SNX6: variants seen among roughly 807,000 people sequenced by gnomAD.
SNX6 encodes sorting nexin-6.
A neutral mutation model predicts 63.0 loss-of-function variants in SNX6; 34 were observed. The observed-to-expected ratio is 0.54, with a 90% confidence interval of 0.41 to 0.72. The LOEUF is 0.72. SNX6 is among the 30% of genes least tolerant of loss of function. The pLI, the probability that SNX6 is intolerant of heterozygous loss-of-function variation, is 0.00. For synonymous variants in SNX6, 170 were observed against 164.2 expected (o/e 1.04, Z -0.27); for missense variants, 398 against 471.4 (o/e 0.84, Z 1.44).
At chr14:34,620,635 CATT>C (rs1287458415) in intron 2 of SNX6, among the ~76,000 whole-genome samples, 1 of 151,886 alleles carries the variant, frequency 6.6e-6, no homozygotes, top group Admixed American at 6.6e-5. Context: ...ACAAAAAAAT[CATT>C]ATTTTTAAAA....
rs1883232974 is a variant in SNX6 at position 34,611,647 on chromosome 14, T to C, written c.55-1905A>G. Among the ~76,000 whole-genome samples the C allele has an allele frequency of 2.1e-5, 3 of 145,866 alleles. No homozygotes were observed. The South Asian group carries it at 6.5e-4, about 32-fold the overall frequency. On this transcript the variant is annotated intron_variant, in intron 2 of 13. Coordinates refer to ENST00000362031, the MANE Select transcript of SNX6 (RefSeq NM_152233.4). ...AAATACCAAAATTAGCTGGGCATAGTGGCGCACACCTGTAGTCCCAGCTAC... is the reference window on the plus strand; with the variant it reads ...AAATACCAAAATTAGCTGGGCATAGCGGCGCACACCTGTAGTCCCAGCTAC...
intron 6 of SNX6, among the ~76,000 whole-genome samples, chr14:34,601,586 G>A (rs1882816684): frequency 6.6e-6 from 1 of 150,640 alleles, no homozygotes; most frequent in East Asian, 2.0e-4. Flanking sequence ...GTAGTAACAT[G>A]ATTTATTTTT....
At chr14:34,581,518 G>C in intron 10 of SNX6, 43 bp downstream of exon 10, 4 of 1,114,732 alleles carry the variant, frequency 3.6e-6, no homozygotes, top group Non-Finnish European at 5.2e-6. Flanking sequence ...AGCTCTCTCT[G>C]GGCACAATAT....
intron 6 of SNX6, among the ~76,000 whole-genome samples, 190 bp from the exon 7 acceptor site, chr14:34,597,835 T>C (rs1363794902): frequency 2.0e-5 from 3 of 152,168 alleles, no homozygotes; most frequent in Admixed American, 6.6e-5. Context: ...ATAATATAGA[T>C]ATTCAGGACT....
At chr14:34,564,121 G>A (rs1406136687) in intron 13 of SNX6, among the ~76,000 whole-genome samples, 5 of 152,058 alleles carry the variant, frequency 3.3e-5, no homozygotes, top group South Asian at 4.1e-4. Context: ...TCTGCCTCCC[G>A]GGTTCAAGCG....
rs912933652 is a variant in SNX6, at chr14:34,569,058, CTT to C, written c.922-1047_922-1046del. ...ATTCGGGGACTTTCAGCTTCCCAGACTTTCTGAGGAAGGCTGCCAGAGCTCTG... is the reference window on the plus strand; with the variant it reads ...ATTCGGGGACTTTCAGCTTCCCAGACTCTGAGGAAGGCTGCCAGAGCTCTG... On this transcript the variant is annotated intron_variant, in intron 11 of 13. Transcript: ENST00000362031. 100 of 1,275,230 alleles carry C rather than the reference CTT, an allele frequency of 7.8e-5. No homozygotes were observed. In the African/African-American group the frequency reaches 1.4e-3, roughly 17 times the overall value. 79.0% of individuals were successfully genotyped at this position (1,275,230 alleles called of 1,614,324 possible).
At chr14:34,614,261 TA>T (rs200345858) in intron 2 of SNX6, among the ~76,000 whole-genome samples, 1 of 150,308 alleles carries the variant, frequency 6.7e-6, no homozygotes, top group Non-Finnish European at 1.5e-5. Flanking sequence ...ACCCCATCTC[TA>T]AAAAAAAACC....
At chr14:34,571,653 A>C (rs1261074004) in intron 11 of SNX6, among the ~76,000 whole-genome samples, 1 of 152,172 alleles carries the variant, frequency 6.6e-6, no homozygotes, top group African/African-American at 2.4e-5. Flanking sequence ...TTAGGACAAC[A>C]AAAATACTGT....
chr14:34,613,041 CAAAAA>C (rs34313201), intron 2 of SNX6, among the ~76,000 whole-genome samples: 1,403 of 117,796 alleles, frequency 0.012, 26 homozygotes, highest in African/African-American at 0.042. Context: ...AGACTCTATC[CAAAAA>C]AAAAAAAAAA....
At chr14:34,625,778 G>C (rs865851137) in intron 2 of SNX6, among the ~76,000 whole-genome samples, 1 of 152,134 alleles carries the variant, frequency 6.6e-6, no homozygotes, top group Non-Finnish European at 1.5e-5. Flanking sequence ...CATATGTAGA[G>C]GTGGGGCTGA....
At chr14:34,610,833 T>C (rs1478676542) in intron 2 of SNX6, among the ~76,000 whole-genome samples, 1 of 152,158 alleles carries the variant, frequency 6.6e-6, no homozygotes, top group Non-Finnish European at 1.5e-5. Context: ...ATAGACTGTT[T>C]CAAAGACAGT....
chr14:34,576,351 C>T (rs1881699989), intron 10 of SNX6, among the ~76,000 whole-genome samples: 1 of 151,014 alleles, frequency 6.6e-6, no homozygotes, highest in South Asian at 2.1e-4. Context: ...TTGCTTCTAC[C>T]AGCCTGTTAC....
chr14:34,567,675 T>G lies in SNX6; in HGVS notation c.1167+11A>C, dbSNP rs757676452. On this transcript the variant is annotated intron_variant, in intron 13 of 13. Coordinates refer to ENST00000362031, the MANE Select transcript of SNX6 (RefSeq NM_152233.4). ...GTAACTTAAATTATTAAATCTTTAT[T>G]ACAACACTACCTTTGCATGCTTCAG... is the stretch of plus-strand genomic sequence containing the variant. The G allele has an allele frequency of 2.5e-6, 4 of 1,600,584 alleles. No individual in the cohort carries two copies. The highest frequency in any genetic ancestry group is 2.2e-5 in the South Asian group (2 of 90,400).
intron 2 of SNX6, among the ~76,000 whole-genome samples, chr14:34,627,006 C>T (rs972518754): frequency 3.3e-5 from 5 of 152,082 alleles, no homozygotes; most frequent in African/African-American, 9.7e-5. Flanking sequence ...TTTTAAAACC[C>T]GAAATACAAT....
chr14:34,569,178 GTTTT>G (rs1168035159), intron 11 of SNX6: 17 of 725,094 alleles, frequency 2.3e-5, no homozygotes, highest in Non-Finnish European at 4.3e-5. Context: ...GGCTCAGTCC[GTTTT>G]TTTAAGTAAC....
intron 11 of SNX6, 42 bp from the exon 12 acceptor site, chr14:34,568,055 T>A (rs2067255091): frequency 1.9e-6 from 3 of 1,558,978 alleles, no homozygotes; most frequent in Non-Finnish European, 2.6e-6. Context: ...ATACTGCATG[T>A]TTCCAGTAGT....
chr14:34,599,379 G>A (rs1882717223), intron 6 of SNX6, among the ~76,000 whole-genome samples: 1 of 152,146 alleles, frequency 6.6e-6, no homozygotes. Flanking sequence ...GCCAAGGCGG[G>A]TGAATCACCT....
At chr14:34,581,299 A>T (rs1251336646) in intron 10 of SNX6, among the ~76,000 whole-genome samples, 1 of 152,108 alleles carries the variant, frequency 6.6e-6, no homozygotes. Flanking sequence ...GACTATAGGC[A>T]TGCGTCACCA....
intron 2 of SNX6, among the ~76,000 whole-genome samples, chr14:34,620,000 C>T (rs933294252): frequency 2.8e-4 from 43 of 152,168 alleles, no homozygotes; most frequent in African/African-American, 9.9e-4. Context: ...CATGAGCCAC[C>T]TGACCTCAAG....
Sources: allele counts gnomAD v4.1 joint callset (sites outside exome capture counted in the v4.1 genomes callset), GRCh38; gene constraint gnomAD v4.1.1; transcripts MANE v1.5; gene names NCBI Gene and HGNC (gene_info 2026-07-23, HGNC 2026-07-21).